ZFHX4: variants seen among roughly 807,000 people sequenced by gnomAD.
ZFHX4 encodes zinc finger homeobox protein 4.
A neutral mutation model predicts 267.6 loss-of-function variants in ZFHX4; 56 were observed. The observed-to-expected ratio is 0.21, with a 90% confidence interval of 0.17 to 0.26. The LOEUF (loss-of-function observed/expected upper bound fraction) is 0.26. ZFHX4 is among the 10% of genes least tolerant of loss of function. The probability of loss-of-function intolerance (pLI) is 1.00; values close to 1 mark genes in which losing one functional copy is unlikely to be tolerated. For synonymous variants in ZFHX4, 1,778 were observed against 1,665.6 expected, an observed-to-expected ratio of 1.07 and a Z score of -1.64; for missense variants, 4,332 against 4,420.0, an observed-to-expected ratio of 0.98 and a Z score of 0.56.
chr8:76,827,531 A>C (rs1192204266), intron 4 of ZFHX4, among the ~76,000 whole-genome samples: 1 of 152,230 alleles, frequency 6.6e-6, no homozygotes, highest in Non-Finnish European at 1.5e-5. Flanking sequence ...ATTTCAAAAC[A>C]ATCAGAAATG....
At chr8:76,752,867 T>A (rs534383762) in intron 3 of ZFHX4, among the ~76,000 whole-genome samples, 4 of 152,318 alleles carry the variant, frequency 2.6e-5, no homozygotes, top group East Asian at 1.9e-4. Context: ...CTATAATAAC[T>A]TATGTAATTA....
chr8:76,752,346 A>T (rs79392815), intron 3 of ZFHX4, among the ~76,000 whole-genome samples: 2 of 151,710 alleles, frequency 1.3e-5, no homozygotes, highest in Admixed American at 6.6e-5. Context: ...TAAAAAAAAA[A>T]CAACACACAT....
chr8:76,701,068 C>T (rs942177313), intron 1 of ZFHX4, among the ~76,000 whole-genome samples: 15 of 152,032 alleles, frequency 9.9e-5, no homozygotes, highest in African/African-American at 2.2e-4. Flanking sequence ...CTGACATTGA[C>T]GACAGTGAAA....
chr8:76,860,321 G>C (rs776453397), intron 10 of ZFHX4, among the ~76,000 whole-genome samples: 1 of 151,812 alleles, frequency 6.6e-6, no homozygotes, highest in South Asian at 2.1e-4. Context: ...CAAAATTCCT[G>C]ATAATCTTTG....
intron 4 of ZFHX4, among the ~76,000 whole-genome samples, chr8:76,832,838 G>A (rs1459362371): frequency 6.6e-6 from 1 of 152,160 alleles, no homozygotes; most frequent in East Asian, 1.9e-4. Flanking sequence ...TGAGAATAAA[G>A]ATGTGGATTT....
intron 4 of ZFHX4, among the ~76,000 whole-genome samples, chr8:76,824,046 A>T (rs1811722786): frequency 1.3e-5 from 2 of 152,230 alleles, no homozygotes; most frequent in Non-Finnish European, 2.9e-5. Flanking sequence ...GAAAGAAGGT[A>T]ATTGTATCCC....
chr8:76,853,603 T>C lies in ZFHX4; in HGVS notation c.6682T>C (p.Ser2228Pro). The change falls in exon 10 of 11, where the codon TCT becomes CCT. Residue 2228 changes from serine to proline, a missense_variant. By Grantham distance (74) the Ser-to-Pro change is moderately conservative. Coordinates refer to ENST00000651372, the MANE Select transcript of ZFHX4 (RefSeq NM_024721.5). ...YKSDASFSKR[S>P]SRTRFTDYQL... ...ATCTGATGCATCATTCAGTAAAAGG[T>C]CTTCTAGAACGAGATTTACTGACTA... The C allele has an allele frequency of 6.2e-7, 1 of 1,613,816 alleles. No homozygotes were observed. Among genetic ancestry groups the C allele is most frequent in the Non-Finnish European group, 8.5e-7 (1 of 1,179,858 alleles).
rs1343530429 is a variant in ZFHX4 at position 76,863,642 on chromosome 8, C to T, written c.9928C>T (p.Leu3310=). 4.3e-6 allele frequency: 7 copies of T among 1,612,384 alleles called. No homozygotes were observed. The East Asian group carries it at 1.3e-4, about 31-fold the overall frequency. ...TACAATGCCCCAGACACTGGCAGGTCTGTCCCCAGGTGCACTGTTGCAGCA... is the reference window on the plus strand; with the variant it reads ...TACAATGCCCCAGACACTGGCAGGTTTGTCCCCAGGTGCACTGTTGCAGCA... ...GPTMPQTLAG[L]SPGALLQQYQ... The change falls in exon 11 of 11, where the codon CTG becomes TTG. Residue 3310 remains leucine (L), a synonymous_variant. Coordinates refer to ENST00000651372, the MANE Select transcript of ZFHX4 (RefSeq NM_024721.5).
intron 4 of ZFHX4, among the ~76,000 whole-genome samples, chr8:76,801,561 G>A (rs1811118134): frequency 6.6e-6 from 1 of 152,120 alleles, no homozygotes; most frequent in Non-Finnish European, 1.5e-5. Context: ...TCTGCTCCTA[G>A]CCTATTGTTC....
intron 4 of ZFHX4, among the ~76,000 whole-genome samples, chr8:76,804,763 GT>G (rs1231084361): frequency 6.6e-6 from 1 of 152,030 alleles, no homozygotes; most frequent in African/African-American, 2.4e-5. Flanking sequence ...CCACTGGGAG[GT>G]TTAAAGTCGG....
chr8:76,848,985 T>G lies in ZFHX4; in HGVS notation c.3512-10T>G. The stretch of plus-strand genomic sequence containing the variant: ...TTAAATTGAATTGTTCTATTCTTTT[T>G]GGGAATCAGGGATAATCACACCAGA... On this transcript the variant is annotated splice_polypyrimidine_tract_variant and intron_variant, in intron 6 of 10. Transcript: ENST00000651372. 6.6e-7 allele frequency: 1 copy of G among 1,507,174 alleles called. No individual in the cohort carries two copies. Among genetic ancestry groups the G allele is most frequent in the Non-Finnish European group, 8.8e-7 (1 of 1,131,198 alleles). The allele number at this position is 1,507,174 out of a possible 1,614,324, so 93.4% of individuals were successfully genotyped here.
At position 76,851,096 on chromosome 8, in the gene ZFHX4, G is replaced by A. The variant is rs955316426; in HGVS notation, c.4175G>A (p.Arg1392His). Residue 1392 changes from arginine to histidine, a missense_variant, in exon 10 of 11, where the codon CGT (arginine) becomes CAT (histidine). Arg to His is a conservative substitution (Grantham distance 29, BLOSUM62 0). This residue lies in a region of ZFHX4 where 1,371 missense variants were observed against 1,423.1 expected (regional missense o/e 0.96). Transcript: ENST00000651372. The part of the protein sequence containing the change: ...QKRQPLSVSD[R>H]HVYKYRCNHC... ...AGGCAACCGCTCTCTGTTTCTGACC[G>A]TCATGTCTACAAGTATCGCTGTAAC... 1.8e-5 allele frequency: 29 copies of A among 1,613,828 alleles called. No homozygotes were observed. The highest frequency in any genetic ancestry group is 3.3e-4 in the Middle Eastern group (2 of 6,084).
At position 76,851,244 on chromosome 8, in the gene ZFHX4, A is replaced by G; in HGVS notation, c.4323A>G (p.Lys1441=). ...GTTTCCGTACATTCCAGGCTTTAAA[A>G]AAACACTTGGAAGCAGGCCACCCTG... ...QRSFRTFQAL[K]KHLEAGHPEL... Residue 1441 remains lysine (K), a synonymous_variant, in exon 10 of 11, where the codon AAA becomes AAG. Coordinates refer to ENST00000651372, the MANE Select transcript of ZFHX4 (RefSeq NM_024721.5). 1.9e-6 allele frequency: 3 copies of G among 1,613,878 alleles called. No homozygotes were observed. Among genetic ancestry groups the G allele is most frequent in the Non-Finnish European group, 2.5e-6 (3 of 1,179,830 alleles).
chr8:76,769,020 C>T (rs1810187614), intron 3 of ZFHX4, among the ~76,000 whole-genome samples: 1 of 152,050 alleles, frequency 6.6e-6, no homozygotes, highest in African/African-American at 2.4e-5. Context: ...ATTGCTTGAG[C>T]CCAGGAGTTC....
At chr8:76,839,232 A>T (rs1812173368) in intron 5 of ZFHX4, among the ~76,000 whole-genome samples, 1 of 152,240 alleles carries the variant, frequency 6.6e-6, no homozygotes, top group African/African-American at 2.4e-5. Context: ...CTTATTGTTC[A>T]AATGAAAATA....
intron 4 of ZFHX4, among the ~76,000 whole-genome samples, chr8:76,832,259 T>A (rs1811955327): frequency 6.6e-6 from 1 of 152,194 alleles, no homozygotes; most frequent in Non-Finnish European, 1.5e-5. Context: ...TTTTTTAACT[T>A]CTTGATAACA....
chr8:76,779,816 T>C (rs1407396081), intron 4 of ZFHX4, among the ~76,000 whole-genome samples: 2 of 152,158 alleles, frequency 1.3e-5, no homozygotes, highest in Non-Finnish European at 2.9e-5. Flanking sequence ...CCTATAAAGA[T>C]ATTTCATATG....
At chr8:76,821,012 A>C (rs1286400620) in intron 4 of ZFHX4, among the ~76,000 whole-genome samples, 1 of 151,532 alleles carries the variant, frequency 6.6e-6, no homozygotes, top group East Asian at 1.9e-4. Context: ...TACTCTGCCA[A>C]CTCTCCTCCC....
In ZFHX4 at chr8:76,689,941, G is replaced by A. The variant is rs367997442; in HGVS notation, c.-47+8321G>A. On this transcript the variant is annotated intron_variant, in intron 1 of 10. Coordinates refer to ENST00000651372, the MANE Select transcript of ZFHX4 (RefSeq NM_024721.5). ...TAAACAAATACGATTTAAGAATTTG[G>A]GCAGACTGACTTAGTTAATACATCA... 2.5e-4 allele frequency among the ~76,000 whole-genome samples: 38 copies of A among 152,022 alleles called. No homozygotes were observed. In the East Asian group the frequency reaches 6.0e-3, roughly 24 times the overall value.
Sources: gnomAD v4.1 joint callset for allele counts (sites outside exome capture counted in the v4.1 genomes callset) on GRCh38, gnomAD v4.1.1 for gene constraint, gnomAD v4.1.1 regional missense constraint, MANE v1.5 for transcripts, NCBI Gene and HGNC (gene_info 2026-07-23, HGNC 2026-07-21) for gene names.